The following IMMP2L variants were observed in gnomAD, a reference collection of about 807,000 sequenced individuals.
IMMP2L encodes inner mitochondrial membrane peptidase subunit 2.
Under a neutral mutation model 19.3 loss-of-function variants are expected in IMMP2L, and 18 were observed. The ratio of observed to expected loss-of-function variants is 0.93; its 90% confidence interval spans 0.64 to 1.38. The LOEUF is 1.38. Ranked by LOEUF, IMMP2L falls within the 40% of genes most tolerant of loss-of-function variation. The probability of loss-of-function intolerance (pLI) is 0.00; values close to 1 mark genes in which losing one functional copy is unlikely to be tolerated. For missense variants in IMMP2L, 233 were observed against 218.2 expected (o/e 1.07, Z -0.43); for synonymous variants, 76 against 73.0 (o/e 1.04, Z -0.21).
chr7:110,725,937 A>G (rs1361487100), intron 5 of IMMP2L: 1 of 152,222 alleles, frequency 6.6e-6, no homozygotes, highest in Admixed American at 6.5e-5. Context: ...AGTCTTATAT[A>G]TATTAACTCA....
At chr7:110,823,264 G>T (rs1803196047) in intron 5 of IMMP2L, among the ~76,000 whole-genome samples, 3 of 151,808 alleles carry the variant, frequency 2.0e-5, no homozygotes, top group African/African-American at 7.3e-5. Flanking sequence ...TGTTCTTCCA[G>T]AAAGGTACAC....
At chr7:111,554,590 C>T (rs1214331103) in intron 1 of IMMP2L, among the ~76,000 whole-genome samples, 7 of 151,928 alleles carry the variant, frequency 4.6e-5, no homozygotes, top group Non-Finnish European at 1.0e-4. Flanking sequence ...CACATATTGT[C>T]CCTCAAAGCA....
At chr7:111,532,392 C>T (rs897832836) in intron 1 of IMMP2L, 1 of 152,118 alleles carries the variant, frequency 6.6e-6, no homozygotes. Context: ...TTTTAAAGAA[C>T]ATGGTTTCTG....
chr7:110,876,399 G>C (rs1809069117), intron 5 of IMMP2L, among the ~76,000 whole-genome samples: 1 of 152,110 alleles, frequency 6.6e-6, no homozygotes, highest in Admixed American at 6.6e-5. Flanking sequence ...TTGCCTATAA[G>C]CTTAAGGAGT....
chr7:111,560,883 A>C (rs1585706007), intron 1 of IMMP2L, among the ~76,000 whole-genome samples: 2 of 152,214 alleles, frequency 1.3e-5, no homozygotes, highest in East Asian at 3.9e-4. Context: ...ACAAACAAAT[A>C]GGCACGTTCA....
intron 1 of IMMP2L, among the ~76,000 whole-genome samples, chr7:111,548,352 C>A (rs1218198142): frequency 6.6e-6 from 1 of 151,954 alleles, no homozygotes; most frequent in Non-Finnish European, 1.5e-5. Context: ...CAGGAATTGT[C>A]TGTACTATTT....
chr7:110,873,841 T>C (rs1186137849), intron 5 of IMMP2L, among the ~76,000 whole-genome samples: 1 of 152,088 alleles, frequency 6.6e-6, no homozygotes, highest in Non-Finnish European at 1.5e-5. Flanking sequence ...TGTCTCTCTT[T>C]TTCTGTGAAA....
chr7:110,946,937 G>C (rs753253086), intron 4 of IMMP2L, among the ~76,000 whole-genome samples: 16 of 151,980 alleles, frequency 1.1e-4, no homozygotes, highest in Non-Finnish European at 2.1e-4. Flanking sequence ...AGTCAGGATG[G>C]TCTCGATACC....
intron 5 of IMMP2L, among the ~76,000 whole-genome samples, chr7:110,802,331 A>ATGTGTG (rs10545848): frequency 2.0e-5 from 3 of 146,986 alleles, no homozygotes; most frequent in South Asian, 2.2e-4. Context: ...GTATGTGTGT[A>ATGTGTG]TGTGTGTGTG....
intron 3 of IMMP2L, among the ~76,000 whole-genome samples, chr7:111,143,453 T>C (rs1281652321): frequency 1.3e-5 from 2 of 152,034 alleles, no homozygotes; most frequent in Non-Finnish European, 2.9e-5. Flanking sequence ...ACTGAGATGT[T>C]CCCCGTGAAA....
At chr7:111,548,216 C>A (rs1441534231) in intron 1 of IMMP2L, among the ~76,000 whole-genome samples, 1 of 150,752 alleles carries the variant, frequency 6.6e-6, no homozygotes, top group Non-Finnish European at 1.5e-5. Flanking sequence ...GTGCTTGCTA[C>A]AAAAAAAAAG....
At chr7:110,833,310 G>GA (rs1480741987) in intron 5 of IMMP2L, among the ~76,000 whole-genome samples, 3 of 151,720 alleles carry the variant, frequency 2.0e-5, no homozygotes, top group Non-Finnish European at 4.4e-5. Context: ...GTGGTGGTGG[G>GA]TGCCTGTAAT....
chr7:111,375,532 C>CA (rs1554471846), intron 3 of IMMP2L, among the ~76,000 whole-genome samples: 1 of 149,298 alleles, frequency 6.7e-6, no homozygotes, highest in Non-Finnish European at 1.5e-5. Context: ...GTAAAAGCGA[C>CA]TTTTTTTTTT....
chr7:111,266,026 T>A (rs1817794155), intron 3 of IMMP2L, among the ~76,000 whole-genome samples: 1 of 152,160 alleles, frequency 6.6e-6, no homozygotes, highest in Non-Finnish European at 1.5e-5. Context: ...AGTTGATTTT[T>A]GAAATAGCAC....
intron 3 of IMMP2L, among the ~76,000 whole-genome samples, chr7:111,014,934 A>G (rs1359116042): frequency 6.6e-6 from 1 of 152,190 alleles, no homozygotes; most frequent in African/African-American, 2.4e-5. Context: ...GGAGAATTGG[A>G]GCCCTGGTGC....
intron 5 of IMMP2L, among the ~76,000 whole-genome samples, chr7:110,751,378 C>T (rs1305166515): frequency 1.3e-5 from 2 of 151,806 alleles, no homozygotes; most frequent in Non-Finnish European, 1.5e-5. Flanking sequence ...CTGTTTTTTC[C>T]ATTGTCTAGA....
At chr7:110,913,276 T>C (rs1703117923) in intron 4 of IMMP2L, among the ~76,000 whole-genome samples, 2 of 152,100 alleles carry the variant, frequency 1.3e-5, no homozygotes, top group Non-Finnish European at 2.9e-5. Flanking sequence ...TGAGATTTGA[T>C]GCGCATCAAG....
chr7:111,022,426 C>G (rs1378248015), intron 3 of IMMP2L, among the ~76,000 whole-genome samples: 1 of 152,100 alleles, frequency 6.6e-6, no homozygotes, highest in Non-Finnish European at 1.5e-5. Context: ...CTCAGTGCTG[C>G]AAGTCAATCT....
At chr7:111,054,644 A>T (rs999883569) in intron 3 of IMMP2L, among the ~76,000 whole-genome samples, 2 of 152,170 alleles carry the variant, frequency 1.3e-5, no homozygotes, top group Admixed American at 1.3e-4. Flanking sequence ...AACGATCAGA[A>T]ATGCCTTCTT....
Sources: gnomAD v4.1 joint callset for allele counts (sites outside exome capture counted in the v4.1 genomes callset) on GRCh38, gnomAD v4.1.1 for gene constraint, MANE v1.5 for transcripts, NCBI Gene and HGNC (gene_info 2026-07-23, HGNC 2026-07-21) for gene names.